DBT: variants seen among roughly 807,000 people sequenced by gnomAD.
The protein encoded by DBT is dihydrolipoamide branched chain transacylase E2.
A neutral mutation model predicts 51.3 loss-of-function variants in DBT; 40 were observed. The observed-to-expected ratio is 0.78, with a 90% CI of 0.61 to 1.02. The LOEUF (loss-of-function observed/expected upper bound fraction) is 1.02. Among genes scored for constraint, DBT ranks in the 50% least tolerant of loss-of-function variants. The pLI is 0.00. For missense variants in DBT, 510 were observed against 580.2 expected (o/e 0.88, Z 1.24); for synonymous variants, 181 against 190.4 (o/e 0.95, Z 0.41).
rs1040168759 is a variant in DBT, at chr1:100,189,267, G to C, written c.*6988C>G. The C allele has an allele frequency of 6.6e-6, 1 of 151,720 alleles. No homozygotes were observed. The highest frequency in any genetic ancestry group is 2.4e-5 in the African/African-American group (1 of 41,254). The allele number at this position is 151,720 out of a possible 1,614,324, so 9.4% of individuals were successfully genotyped here. On this transcript the variant is annotated 3_prime_UTR_variant, in exon 11 of 11. Transcript: ENST00000370132. ...AGGAATGAGCACTGTTTGAACCCAG[G>C]AGACGGAGGTTGCAGTGAGCAGAGC...
chr1:100,247,858 T>C (rs1296239087), intron 1 of DBT, among the ~76,000 whole-genome samples: 1 of 151,754 alleles, frequency 6.6e-6, no homozygotes, highest in Non-Finnish European at 1.5e-5. Context: ...TCCCAGCACT[T>C]TGGGAGGCCA....
intron 10 of DBT, among the ~76,000 whole-genome samples, chr1:100,200,341 C>T (rs72973752): frequency 0.02 from 2,979 of 152,290 alleles, 102 homozygotes; most frequent in African/African-American, 0.068. Context: ...CCACTGTATC[C>T]GGACTGCCTC....
chr1:100,229,020 T>C (rs1663371672), intron 4 of DBT, among the ~76,000 whole-genome samples: 1 of 152,178 alleles, frequency 6.6e-6, no homozygotes, highest in African/African-American at 2.4e-5. Flanking sequence ...TTTATAATAA[T>C]AAAAAGTAGT....
chr1:100,213,453 C>A, intron 7 of DBT: 1 of 1,564,608 alleles, frequency 6.4e-7, no homozygotes, highest in Non-Finnish European at 8.8e-7. Context: ...ACCCACCATC[C>A]CAGGGTCTAC....
At chr1:100,249,102 G>A (rs1024005627) in intron 1 of DBT, 46 of 988,310 alleles carry the variant, frequency 4.7e-5, no homozygotes, top group Non-Finnish European at 5.5e-5. Flanking sequence ...AAAGGGAGAA[G>A]AGGCAGGAAG....
intron 4 of DBT, among the ~76,000 whole-genome samples, chr1:100,221,944 T>C (rs1662877518): frequency 6.6e-6 from 1 of 152,182 alleles, no homozygotes; most frequent in Non-Finnish European, 1.5e-5. Context: ...TTAAGAAAAA[T>C]GCTTTGAAAT....
At position 100,213,461 on chromosome 1, in the gene DBT, T is replaced by C. The variant is rs1662282839; in HGVS notation, c.939+1356A>G. The C allele has an allele frequency of 1.9e-6, 3 of 1,559,488 alleles. No homozygotes were observed. In the Admixed American group the frequency reaches 5.0e-5, roughly 26 times the overall value. ...GACACCCACCCACCATCCCAGGGTCTACAACATCCACAGCTGGACCGTCAT... is the reference window on the plus strand; with the variant it reads ...GACACCCACCCACCATCCCAGGGTCCACAACATCCACAGCTGGACCGTCAT... On this transcript the variant is annotated intron_variant, in intron 7 of 10. Transcript: ENST00000370132.
chr1:100,245,089 A>C (rs1664464300), intron 1 of DBT, among the ~76,000 whole-genome samples: 1 of 152,174 alleles, frequency 6.6e-6, no homozygotes, highest in Admixed American at 6.5e-5. Flanking sequence ...TAATTTTTCA[A>C]GCTAGAATTC....
intron 8 of DBT, among the ~76,000 whole-genome samples, chr1:100,207,823 T>C (rs908205035): frequency 4.7e-5 from 7 of 150,034 alleles, no homozygotes; most frequent in African/African-American, 1.7e-4. Flanking sequence ...AAACTCTGTG[T>C]CAAAAAAAGA....
At chr1:100,246,224 C>A (rs999366110) in intron 1 of DBT, among the ~76,000 whole-genome samples, 16 of 152,074 alleles carry the variant, frequency 1.1e-4, no homozygotes, top group Admixed American at 3.3e-4. Flanking sequence ...CACCACTGCA[C>A]TCCAGCCTGG....
At chr1:100,213,141 T>C (rs1356820867) in intron 7 of DBT, among the ~76,000 whole-genome samples, 2 of 152,166 alleles carry the variant, frequency 1.3e-5, no homozygotes, top group Non-Finnish European at 2.9e-5. Context: ...TTTCCTTAAA[T>C]GGAAAGTGGA....
rs1157374835 is a variant in DBT at position 100,218,317 on chromosome 1, G to A, written c.555+309C>T. On this transcript the variant is annotated intron_variant, in intron 5 of 10. Coordinates refer to ENST00000370132, the MANE Select transcript of DBT (RefSeq NM_001918.5). ...TCCCTCCTTCAAATTCCTATCTCAT[G>A]CTGTGCCTCTAGAGCACCTGACATA... 3.9e-5 allele frequency among the ~76,000 whole-genome samples: 6 copies of A among 152,154 alleles called. No individual in the cohort carries two copies. The East Asian group carries it at 1.2e-3, about 29-fold the overall frequency.
intron 7 of DBT, 22 bp downstream of exon 7, chr1:100,214,795 G>A (rs1455692802): frequency 1.2e-6 from 2 of 1,612,110 alleles, no homozygotes; most frequent in Non-Finnish European, 1.7e-6. Flanking sequence ...CTCAAGCCTT[G>A]TTTGAAATGA....
At chr1:100,216,644 T>C (rs1345378661) in intron 5 of DBT, among the ~76,000 whole-genome samples, 2 of 152,230 alleles carry the variant, frequency 1.3e-5, no homozygotes, top group East Asian at 1.9e-4. Context: ...CGACCTTTTC[T>C]ATTCTTGGGG....
chr1:100,245,782 G>A (rs1050193012), intron 1 of DBT, among the ~76,000 whole-genome samples: 1 of 151,820 alleles, frequency 6.6e-6, no homozygotes, highest in African/African-American at 2.4e-5. Flanking sequence ...TTGAGACTTT[G>A]TCTACTAAAA....
chr1:100,228,342 G>T (rs2089301555), intron 4 of DBT, among the ~76,000 whole-genome samples: 1 of 152,072 alleles, frequency 6.6e-6, no homozygotes, highest in Non-Finnish European at 1.5e-5. Flanking sequence ...AGACTTAAGA[G>T]ATATAACAAC....
intron 10 of DBT, among the ~76,000 whole-genome samples, chr1:100,202,279 C>T (rs1430219417): frequency 6.6e-6 from 1 of 151,920 alleles, no homozygotes; most frequent in Admixed American, 6.6e-5. Context: ...TCTGATAAAA[C>T]AGACTTTAAA....
At chr1:100,210,386 TGAAA>T (rs1662068738) in intron 8 of DBT, among the ~76,000 whole-genome samples, 1 of 150,192 alleles carries the variant, frequency 6.7e-6, no homozygotes, top group African/African-American at 2.4e-5. Flanking sequence ...AATTCAATTT[TGAAA>T]GAGCTGCTTC....
At chr1:100,219,722 T>C (rs950607530) in intron 4 of DBT, among the ~76,000 whole-genome samples, 1 of 151,778 alleles carries the variant, frequency 6.6e-6, no homozygotes, top group African/African-American at 2.4e-5. Context: ...GCACTCTAGG[T>C]TGGGTGAAAA....
Sources: allele counts gnomAD v4.1 joint callset (sites outside exome capture counted in the v4.1 genomes callset), GRCh38; gene constraint gnomAD v4.1.1; transcripts MANE v1.5; gene names NCBI Gene and HGNC (gene_info 2026-07-23, HGNC 2026-07-21).